Variants in SNTG1 observed in about 807,000 individuals in gnomAD.
SNTG1 encodes gamma-1-syntrophin.
Under a neutral mutation model 74.7 loss-of-function variants are expected in SNTG1, and 39 were observed. That is an observed-to-expected ratio of 0.52 (90% CI 0.40 to 0.68). SNTG1 has a LOEUF of 0.68. Ranked by LOEUF, SNTG1 falls within the 30% of genes least tolerant of loss-of-function variation. The pLI, the probability that SNTG1 is intolerant of heterozygous loss-of-function variation, is 0.00. For synonymous variants in SNTG1, 254 were observed against 217.1 expected, an observed-to-expected ratio of 1.17 and a Z score of -1.49; for missense variants, 685 against 609.5, an observed-to-expected ratio of 1.12 and a Z score of -1.30.
intron 2 of SNTG1, among the ~76,000 whole-genome samples, chr8:50,304,413 G>A (rs1226033542): frequency 6.6e-6 from 1 of 152,140 alleles, no homozygotes; most frequent in Non-Finnish European, 1.5e-5. Flanking sequence ...TCTCCACCAT[G>A]ACATTACAGC....
In SNTG1 at chr8:50,038,959, G is replaced by A. The variant is rs1818389688; in HGVS notation, c.-103+126728G>A. 3.9e-5 allele frequency among the ~76,000 whole-genome samples: 6 copies of A among 152,150 alleles called. No individual in the cohort carries two copies. In the South Asian group the frequency reaches 6.2e-4, roughly 16 times the overall value. On this transcript the variant is annotated intron_variant, in intron 1 of 18. Transcript: ENST00000642720. ...TCAGGTTGCATATAAGACTTCATCC[G>A]TGGTGGTGTACCCTGCAGGAGCCCT...
chr8:50,186,900 G>T (rs1248454479), intron 2 of SNTG1, among the ~76,000 whole-genome samples: 1 of 152,048 alleles, frequency 6.6e-6, no homozygotes, highest in African/African-American at 2.4e-5. Flanking sequence ...TATCCCATTT[G>T]TCAATTTTGG....
chr8:50,340,709 AAAG>A (rs535694373), intron 2 of SNTG1, among the ~76,000 whole-genome samples: 56 of 152,050 alleles, frequency 3.7e-4, no homozygotes, highest in African/African-American at 1.2e-3. Context: ...TCTATGAAAG[AAAG>A]AAGAAAACTG....
At chr8:50,412,999 T>C (rs535872699) in intron 4 of SNTG1, among the ~76,000 whole-genome samples, 43 of 152,302 alleles carry the variant, frequency 2.8e-4, no homozygotes, top group East Asian at 1.9e-4. Flanking sequence ...TTAGAACCAA[T>C]GCAATTTTGT....
chr8:50,750,732 CA>C (rs929209679), intron 17 of SNTG1, among the ~76,000 whole-genome samples: 2 of 151,946 alleles, frequency 1.3e-5, no homozygotes, highest in African/African-American at 4.8e-5. Context: ...AAGGTATATA[CA>C]TTTTTTTAGG....
At position 49,942,092 on chromosome 8, in the gene SNTG1, C is replaced by T. The variant is rs544766855; in HGVS notation, c.-103+29861C>T. Among the ~76,000 whole-genome samples the T allele has an allele frequency of 2.0e-5, 3 of 152,174 alleles. No individual in the cohort carries two copies. The South Asian group carries it at 6.2e-4, about 32-fold the overall frequency. On this transcript the variant is annotated intron_variant, in intron 1 of 18. Coordinates refer to ENST00000642720, the MANE Select transcript of SNTG1 (RefSeq NM_018967.5). The stretch of plus-strand genomic sequence containing the variant: ...TACGCTAAATATAGACTAGGACAGA[C>T]CTGCCTTTTCAATCTGAACATTAGT...
intron 2 of SNTG1, among the ~76,000 whole-genome samples, chr8:50,286,151 G>A (rs2088770031): frequency 6.6e-6 from 1 of 152,022 alleles, no homozygotes; most frequent in South Asian, 2.1e-4. Context: ...TTTTATGTGT[G>A]CCTTATGATT....
At chr8:49,921,353 G>A (rs1265985698) in intron 1 of SNTG1, among the ~76,000 whole-genome samples, 2 of 152,032 alleles carry the variant, frequency 1.3e-5, no homozygotes, top group Non-Finnish European at 2.9e-5. Context: ...GGATGTTTGA[G>A]GTTCCTTTGG....
At chr8:49,973,724 T>G (rs1246238840) in intron 1 of SNTG1, among the ~76,000 whole-genome samples, 2 of 152,158 alleles carry the variant, frequency 1.3e-5, no homozygotes, top group Non-Finnish European at 2.9e-5. Flanking sequence ...TCAGTTGAAC[T>G]TAAAACTGTA....
chr8:50,515,353 A>T (rs1268972583), intron 9 of SNTG1, among the ~76,000 whole-genome samples: 1 of 149,786 alleles, frequency 6.7e-6, no homozygotes, highest in Non-Finnish European at 1.5e-5. Flanking sequence ...CTAACTGGGC[A>T]GCCATTTGGG....
chr8:50,187,913 TTAGCAG>T (rs1326470477), intron 2 of SNTG1, among the ~76,000 whole-genome samples: 1 of 152,146 alleles, frequency 6.6e-6, no homozygotes, highest in East Asian at 1.9e-4. Context: ...TGGTTCCATG[TTAGCAG>T]GGACTATATC....
chr8:49,951,142 G>A (rs1809661620), intron 1 of SNTG1, among the ~76,000 whole-genome samples: 1 of 152,118 alleles, frequency 6.6e-6, no homozygotes, highest in Non-Finnish European at 1.5e-5. Context: ...CTGACTTTAT[G>A]CAGATAGTGG....
intron 11 of SNTG1, among the ~76,000 whole-genome samples, chr8:50,538,808 T>C (rs553010232): frequency 3.3e-5 from 5 of 152,252 alleles, no homozygotes; most frequent in Non-Finnish European, 5.9e-5. Context: ...TACATCTCTG[T>C]TGATGCAAAT....
At chr8:50,471,073 AG>A (rs1486837302) in intron 8 of SNTG1, among the ~76,000 whole-genome samples, 4 of 152,072 alleles carry the variant, frequency 2.6e-5, no homozygotes, top group Non-Finnish European at 5.9e-5. Context: ...CTAGACACAG[AG>A]TGCTGATTGG....
At chr8:50,656,613 G>A (rs1033984616) in intron 13 of SNTG1, among the ~76,000 whole-genome samples, 1 of 152,052 alleles carries the variant, frequency 6.6e-6, no homozygotes, top group African/African-American at 2.4e-5. Flanking sequence ...ATTTTTTTCT[G>A]TAAGAATTGA....
At chr8:50,322,517 T>C (rs906011452) in intron 2 of SNTG1, among the ~76,000 whole-genome samples, 2 of 152,178 alleles carry the variant, frequency 1.3e-5, no homozygotes, top group South Asian at 2.1e-4. Flanking sequence ...GCAGTCTTTT[T>C]TGGGTTAAAC....
At chr8:50,538,801 A>G (rs905384779) in intron 11 of SNTG1, among the ~76,000 whole-genome samples, 3 of 152,096 alleles carry the variant, frequency 2.0e-5, no homozygotes, top group South Asian at 4.2e-4. Flanking sequence ...CTCCCTCTAC[A>G]TCTCTGTTGA....
At chr8:49,948,866 G>C (rs1357725883) in intron 1 of SNTG1, among the ~76,000 whole-genome samples, 1 of 152,176 alleles carries the variant, frequency 6.6e-6, no homozygotes, top group Non-Finnish European at 1.5e-5. Flanking sequence ...ATTCCTAAGA[G>C]CCCCCGGGCT....
At chr8:49,946,710 G>T (rs533904205) in intron 1 of SNTG1, among the ~76,000 whole-genome samples, 1 of 152,004 alleles carries the variant, frequency 6.6e-6, no homozygotes, top group Non-Finnish European at 1.5e-5. Context: ...TCTGAATCTG[G>T]TTAATTTTAT....
Sources: allele counts gnomAD v4.1 joint callset (sites outside exome capture counted in the v4.1 genomes callset), GRCh38; gene constraint gnomAD v4.1.1; transcripts MANE v1.5; gene names NCBI Gene and HGNC (gene_info 2026-07-23, HGNC 2026-07-21).